Variants in PTPRE observed in about 807,000 individuals in gnomAD.
The protein encoded by PTPRE is receptor-type tyrosine-protein phosphatase epsilon.
PTPRE carries 51 observed loss-of-function variants against 102.0 expected under a neutral mutation model. The ratio of observed to expected loss-of-function variants is 0.50; its 90% confidence interval spans 0.40 to 0.63. The LOEUF is 0.63. PTPRE is among the 30% of genes least tolerant of loss of function. The pLI is 0.00. For synonymous variants in PTPRE, 345 were observed against 348.2 expected, an observed-to-expected ratio of 0.99 and a Z score of 0.10; for missense variants, 752 against 915.1, an observed-to-expected ratio of 0.82 and a Z score of 2.30.
chr10:127,926,257 T>G (rs140721223), intron 1 of PTPRE, among the ~76,000 whole-genome samples: 3 of 152,350 alleles, frequency 2.0e-5, no homozygotes, highest in African/African-American at 7.2e-5. Flanking sequence ...TCATTTTAAA[T>G]CTCCACTGTA....
chr10:127,946,568 T>C lies in PTPRE; in HGVS notation c.-30-35706T>C, dbSNP rs967299079. Among the ~76,000 whole-genome samples the C allele has an allele frequency of 2.6e-5, 4 of 151,800 alleles. 1 individual carries two copies. Among genetic ancestry groups the C allele is most frequent in the East Asian group, 1.9e-4 (1 of 5,142 alleles). ...GGCAGGGAGGGATTTCCACCCCGCA[T>C]TGGTAAGAGAGAAGAGCAAGATGCG... On this transcript the variant is annotated intron_variant, in intron 1 of 20. Transcript: ENST00000254667.
intron 2 of PTPRE, among the ~76,000 whole-genome samples, chr10:128,014,366 G>A (rs181548604): frequency 2.2e-4 from 34 of 152,266 alleles, no homozygotes; most frequent in African/African-American, 7.9e-4. Context: ...CATGCACATT[G>A]TTTGGCCCAA....
chr10:128,031,776 A>G (rs779391491), intron 2 of PTPRE, among the ~76,000 whole-genome samples: 2 of 152,168 alleles, frequency 1.3e-5, no homozygotes, highest in Non-Finnish European at 2.9e-5. Context: ...GGGAGAATCA[A>G]TATGTGTTTT....
rs1383107417 is a variant in PTPRE, at chr10:128,008,618, C to G, written c.-8+26322C>G. Among the ~76,000 whole-genome samples the G allele has an allele frequency of 1.3e-5, 2 of 152,070 alleles. No homozygotes were observed. Among genetic ancestry groups the G allele is most frequent in the Non-Finnish European group, 2.9e-5 (2 of 68,014 alleles). ...TTTGCTTTTGGTATGGGAAGGAGCC[C>G]GACACACCTGGTCTTTCTCAACTCC... On this transcript the variant is annotated intron_variant, in intron 2 of 20. Coordinates refer to ENST00000254667, the MANE Select transcript of PTPRE (RefSeq NM_006504.6). This position sits in a 1 kb window ranked among gnomAD's most constrained non-coding sequence, Gnocchi z 4.0.
chr10:128,047,298 C>G, intron 3 of PTPRE, 92 bp from the exon 4 acceptor site: 1 of 1,484,720 alleles, frequency 6.7e-7, no homozygotes, highest in Non-Finnish European at 9.0e-7. Flanking sequence ...GTTTGGGGTT[C>G]TGGTGTCCAG....
chr10:128,061,151 C>G (rs1849555240), intron 8 of PTPRE, 136 bp downstream of exon 8: 1 of 736,888 alleles, frequency 1.4e-6, no homozygotes, highest in Non-Finnish European at 2.3e-6. Context: ...GGGTACGGAA[C>G]TGCCCGTGCT....
intron 1 of PTPRE, among the ~76,000 whole-genome samples, chr10:127,978,678 G>T (rs1454741197): frequency 1.3e-5 from 2 of 152,224 alleles, no homozygotes; most frequent in Admixed American, 6.5e-5. Flanking sequence ...TCCTCGCTCT[G>T]TGATGCTGGT....
At chr10:127,936,701 C>T (rs886218604) in intron 1 of PTPRE, among the ~76,000 whole-genome samples, 4 of 152,156 alleles carry the variant, frequency 2.6e-5, no homozygotes, top group East Asian at 3.9e-4. Flanking sequence ...ACAGAGAGTC[C>T]GTGGGGCTGA....
chr10:127,973,109 G>T (rs1850882947), intron 1 of PTPRE, among the ~76,000 whole-genome samples: 1 of 152,210 alleles, frequency 6.6e-6, no homozygotes, highest in African/African-American at 2.4e-5. Flanking sequence ...CCAGAATGGA[G>T]CACTGCATAT....
chr10:128,008,696 G>C lies in PTPRE; in HGVS notation c.-8+26400G>C, dbSNP rs1215525601. ...TGTGGTAATTCCGGCCAGGACTCAA[G>C]GATGTAAGAAGTAGGAGACGCAGGA... is the stretch of plus-strand genomic sequence containing the variant. On this transcript the variant is annotated intron_variant, in intron 2 of 20. Transcript: ENST00000254667. This position sits in a 1 kb window ranked among gnomAD's most constrained non-coding sequence, Gnocchi z 4.0. Among the ~76,000 whole-genome samples the C allele has an allele frequency of 6.6e-6, 1 of 152,172 alleles. No homozygotes were observed. The highest frequency in any genetic ancestry group is 1.5e-5 in the Non-Finnish European group (1 of 68,034).
intron 11 of PTPRE, 79 bp from the exon 12 acceptor site, chr10:128,068,042 GGC>G: frequency 6.7e-6 from 10 of 1,491,778 alleles, no homozygotes; most frequent in Non-Finnish European, 9.1e-6. Flanking sequence ...GGGAGCCCAC[GGC>G]GGCGTCCTCA....
intron 20 of PTPRE, among the ~76,000 whole-genome samples, chr10:128,080,408 A>C (rs1469215590): frequency 6.6e-6 from 1 of 152,168 alleles, no homozygotes; most frequent in Non-Finnish European, 1.5e-5. Context: ...CTGTGCATAG[A>C]GAGGCAGGAA....
intron 1 of PTPRE, among the ~76,000 whole-genome samples, chr10:127,941,729 TC>T (rs1331620637): frequency 2.6e-5 from 4 of 152,138 alleles, no homozygotes; most frequent in African/African-American, 9.7e-5. Flanking sequence ...AGATCTCCAT[TC>T]CCCTGCTCTT....
At chr10:128,004,376 A>C (rs1854297740) in intron 2 of PTPRE, among the ~76,000 whole-genome samples, 1 of 152,062 alleles carries the variant, frequency 6.6e-6, no homozygotes, top group Admixed American at 6.6e-5. Context: ...TATTTTCATC[A>C]TCCAAAATGA....
At position 128,076,713 on chromosome 10, in the gene PTPRE, G is replaced by A. The variant is rs1271672635; in HGVS notation, c.1710G>A (p.Leu570=). 1 of 1,611,100 alleles carries A rather than the reference G, an allele frequency of 6.2e-7. No individual in the cohort carries two copies. The highest frequency in any genetic ancestry group is 8.5e-7 in the Non-Finnish European group (1 of 1,179,264). ...LSEAISIRDF[L]VTLNQPQARQ... ...AAGCCATCAGTATACGAGACTTTCT[G>A]GTCACTCTCAATCAGGTATTGTTGA... The change falls in exon 18 of 21, where the codon CTG becomes CTA. Residue 570 remains leucine, a synonymous_variant. Coordinates refer to ENST00000254667, the MANE Select transcript of PTPRE (RefSeq NM_006504.6).
At chr10:128,033,042 C>T (rs1846903875) in intron 2 of PTPRE, among the ~76,000 whole-genome samples, 1 of 151,984 alleles carries the variant, frequency 6.6e-6, no homozygotes, top group Non-Finnish European at 1.5e-5. Context: ...TACTAACTAC[C>T]TCGGGGGCTG....
Position 128,008,940 on chromosome 10 carries a change from G to A in PTPRE, c.-8+26644G>A, listed in dbSNP as rs1052947742. On this transcript the variant is annotated intron_variant, in intron 2 of 20. Transcript: ENST00000254667. This position sits in a 1 kb window ranked among gnomAD's most constrained non-coding sequence, Gnocchi z 4.0. ...AGAGAGACAGAGAGAGGAGTCTCTG[G>A]TCTGGCTGGGGCTGGGTTACTTTGT... 1.3e-5 allele frequency among the ~76,000 whole-genome samples: 2 copies of A among 152,196 alleles called. No individual in the cohort carries two copies. Among genetic ancestry groups the A allele is most frequent in the Non-Finnish European group, 2.9e-5 (2 of 68,030 alleles).
At chr10:128,072,307 A>T in intron 16 of PTPRE, 93 bp downstream of exon 16, 1 of 1,160,478 alleles carries the variant, frequency 8.6e-7, no homozygotes, top group Non-Finnish European at 1.2e-6. Flanking sequence ...ATGAGAAAGA[A>T]TTGACATGTT....
chr10:127,927,843 C>A (rs1250540372), intron 1 of PTPRE, among the ~76,000 whole-genome samples: 1 of 152,112 alleles, frequency 6.6e-6, no homozygotes, highest in African/African-American at 2.4e-5. Context: ...AATACTAATA[C>A]CTATTTACCT....
Sources: gnomAD v4.1 joint callset for allele counts (sites outside exome capture counted in the v4.1 genomes callset) on GRCh38, gnomAD v4.1.1 for gene constraint, Gnocchi (gnomAD v3.1) non-coding constraint, MANE v1.5 for transcripts, NCBI Gene and HGNC (gene_info 2026-07-23, HGNC 2026-07-21) for gene names.